The following GNG2 variants were observed in gnomAD, a reference collection of about 807,000 sequenced individuals.
GNG2 encodes G protein subunit gamma 2.
In GNG2, 5 loss-of-function variants were observed where a neutral mutation model predicts 5.5. That is an observed-to-expected ratio of 0.91 (90% confidence interval 0.48 to 1.92). The LOEUF is 1.92. Among genes scored for constraint, GNG2 ranks in the 30% most tolerant of loss-of-function variants. The pLI is 0.01. For synonymous variants in GNG2, 28 were observed against 32.0 expected (o/e 0.88, Z 0.42); for missense variants, 55 against 88.4 (o/e 0.62, Z 1.52).
intron 2 of GNG2, among the ~76,000 whole-genome samples, chr14:51,881,310 A>T (rs1305449557): frequency 6.6e-6 from 1 of 152,190 alleles, no homozygotes; most frequent in African/African-American, 2.4e-5. Context: ...TATTAGGAAG[A>T]CTATCTGGAA....
At chr14:51,945,254 T>A (rs1319464386) in intron 2 of GNG2, among the ~76,000 whole-genome samples, 3 of 152,138 alleles carry the variant, frequency 2.0e-5, no homozygotes, top group African/African-American at 7.2e-5. Flanking sequence ...TTCACAGTAG[T>A]CATAGTAGCT....
chr14:51,878,354 A>C (rs147133282), intron 2 of GNG2, among the ~76,000 whole-genome samples: 1 of 152,188 alleles, frequency 6.6e-6, no homozygotes, highest in Non-Finnish European at 1.5e-5. Context: ...AGAGAGAATA[A>C]TATAATGAAC....
chr14:51,896,041 C>T (rs959080455), intron 2 of GNG2, among the ~76,000 whole-genome samples: 2 of 152,174 alleles, frequency 1.3e-5, no homozygotes, highest in Non-Finnish European at 2.9e-5. Context: ...TCTTGATCAG[C>T]GGTGTGAAAA....
intron 2 of GNG2, among the ~76,000 whole-genome samples, chr14:51,851,793 G>A (rs1419072529): frequency 1.3e-5 from 2 of 152,032 alleles, no homozygotes; most frequent in African/African-American, 4.8e-5. Context: ...CTCAGCTGTG[G>A]GGCATGAACA....
At chr14:51,839,765 A>G (rs1231048679) in intron 2 of GNG2, among the ~76,000 whole-genome samples, 1 of 152,172 alleles carries the variant, frequency 6.6e-6, no homozygotes, top group African/African-American at 2.4e-5. Flanking sequence ...GCTATATGCA[A>G]ATTATGCTTT....
intron 2 of GNG2, among the ~76,000 whole-genome samples, chr14:51,939,355 T>C (rs1161955389): frequency 6.6e-6 from 1 of 152,248 alleles, no homozygotes. Flanking sequence ...CTCTGTTTTT[T>C]GTCAGGGTTG....
intron 1 of GNG2, among the ~76,000 whole-genome samples, chr14:51,826,553 T>C (rs1881034671): frequency 6.6e-6 from 1 of 152,168 alleles, no homozygotes; most frequent in Non-Finnish European, 1.5e-5. Flanking sequence ...AACAACTGTA[T>C]ACATGCCATT....
intron 2 of GNG2, among the ~76,000 whole-genome samples, chr14:51,920,465 C>T (rs77814107): frequency 0.066 from 9,987 of 151,862 alleles, 357 homozygotes; most frequent in Middle Eastern, 0.12. Flanking sequence ...TCAGTACAGA[C>T]GTAACCATCC....
At chr14:51,869,265 T>A (rs1323241250) in intron 1 of GNG2, among the ~76,000 whole-genome samples, 1 of 152,246 alleles carries the variant, frequency 6.6e-6, no homozygotes, top group East Asian at 1.9e-4. Flanking sequence ...GATAAAGGAA[T>A]GTCCTACTAA....
intron 2 of GNG2, among the ~76,000 whole-genome samples, chr14:51,910,643 A>T (rs572047062): frequency 6.6e-6 from 1 of 152,274 alleles, no homozygotes; most frequent in East Asian, 1.9e-4. Flanking sequence ...TGCACATGGC[A>T]CACACTCCAG....
chr14:51,872,600 G>A (rs1883383185), intron 1 of GNG2, among the ~76,000 whole-genome samples: 1 of 152,182 alleles, frequency 6.6e-6, no homozygotes, highest in South Asian at 2.1e-4. Context: ...ATGGTGCCTT[G>A]TGAAGCAAAG....
At chr14:51,922,025 T>C (rs1452992890) in intron 2 of GNG2, among the ~76,000 whole-genome samples, 1 of 152,228 alleles carries the variant, frequency 6.6e-6, no homozygotes, top group Non-Finnish European at 1.5e-5. Flanking sequence ...CCACCTGGAC[T>C]CTGTTATATT....
At chr14:51,878,438 A>G (rs1198623621) in intron 2 of GNG2, among the ~76,000 whole-genome samples, 1 of 152,110 alleles carries the variant, frequency 6.6e-6, no homozygotes, top group East Asian at 1.9e-4. Context: ...ACCTCTACCT[A>G]CTTCTCTTCT....
chr14:51,915,556 T>C (rs1167732796), intron 2 of GNG2, among the ~76,000 whole-genome samples: 1 of 152,220 alleles, frequency 6.6e-6, no homozygotes, highest in Non-Finnish European at 1.5e-5. Context: ...TGGGTAAATA[T>C]GATACGTTAG....
intron 2 of GNG2, among the ~76,000 whole-genome samples, chr14:51,887,201 C>A (rs966397893): frequency 6.6e-6 from 1 of 152,074 alleles, no homozygotes; most frequent in Non-Finnish European, 1.5e-5. Context: ...ATGTCAACCT[C>A]AACTTACGGT....
chr14:51,949,254 CAG>C (rs1179921359), intron 2 of GNG2, among the ~76,000 whole-genome samples: 2 of 151,952 alleles, frequency 1.3e-5, no homozygotes, highest in Non-Finnish European at 2.9e-5. Flanking sequence ...TTGTATGTTA[CAG>C]AGAGTTATAC....
At chr14:51,951,913 C>A in intron 3 of GNG2, 2 of 702,050 alleles carry the variant, frequency 2.8e-6, no homozygotes, top group South Asian at 3.0e-5. Flanking sequence ...TGGTCTACAG[C>A]GATGGTTCTC....
chr14:51,965,054 A>G (rs1296825208), intron 3 of GNG2, among the ~76,000 whole-genome samples: 1 of 152,210 alleles, frequency 6.6e-6, no homozygotes, highest in Non-Finnish European at 1.5e-5. Flanking sequence ...AGGAAGGGAC[A>G]TGGCAAACTG....
intron 2 of GNG2, among the ~76,000 whole-genome samples, chr14:51,830,760 T>C (rs1881163939): frequency 6.6e-6 from 1 of 152,176 alleles, no homozygotes; most frequent in Non-Finnish European, 1.5e-5. Flanking sequence ...TTAATAAGCC[T>C]CCTTGCTTTC....
Sources: gnomAD v4.1 joint callset for allele counts (sites outside exome capture counted in the v4.1 genomes callset) on GRCh38, gnomAD v4.1.1 for gene constraint, MANE v1.5 for transcripts, NCBI Gene and HGNC (gene_info 2026-07-23, HGNC 2026-07-21) for gene names.